Variants in USP12 observed in about 807,000 individuals in gnomAD.
USP12 encodes ubiquitin specific peptidase 12.
In USP12, 19 loss-of-function variants were observed where a neutral mutation model predicts 45.5. The observed-to-expected ratio is 0.42, with a 90% CI of 0.29 to 0.61. The LOEUF (loss-of-function observed/expected upper bound fraction) is 0.61, where lower values mean the gene tolerates loss of function less well. USP12 is among the 20% of genes least tolerant of loss of function. USP12 has a pLI of 0.22. For synonymous variants in USP12, 149 were observed against 148.8 expected (o/e 1.00, Z -0.01); for missense variants, 242 against 447.7 (o/e 0.54, Z 4.15).
chr13:27,121,335 A>C (rs368441432), intron 1 of USP12, among the ~76,000 whole-genome samples: 2 of 152,124 alleles, frequency 1.3e-5, no homozygotes, highest in East Asian at 3.9e-4. Flanking sequence ...TCAGTAGAGA[A>C]TTCAAAGAAA....
intron 1 of USP12, among the ~76,000 whole-genome samples, chr13:27,124,740 G>A (rs1266774713): frequency 6.6e-6 from 1 of 152,210 alleles, no homozygotes; most frequent in East Asian, 1.9e-4. Flanking sequence ...AAGTGAATGT[G>A]AGCTGTAAAA....
chr13:27,171,182 C>T (rs1284539458), intron 1 of USP12, among the ~76,000 whole-genome samples: 4 of 151,090 alleles, frequency 2.6e-5, no homozygotes, highest in Admixed American at 2.0e-4. Flanking sequence ...CGACCCCGGC[C>T]CGGGGCCGCG....
At chr13:27,102,844 G>A (rs1211495928) in intron 3 of USP12, among the ~76,000 whole-genome samples, 1 of 152,174 alleles carries the variant, frequency 6.6e-6, no homozygotes, top group Admixed American at 6.5e-5. Context: ...CCTAAACAGT[G>A]TCTGGCACAC....
At chr13:27,100,732 T>C (rs1352135594) in intron 3 of USP12, among the ~76,000 whole-genome samples, 4 of 152,170 alleles carry the variant, frequency 2.6e-5, no homozygotes, top group African/African-American at 4.8e-5. Flanking sequence ...AAGATAATTA[T>C]GCTAAAGTTG....
At chr13:27,078,318 T>C (rs992607069) in intron 6 of USP12, among the ~76,000 whole-genome samples, 5 of 152,132 alleles carry the variant, frequency 3.3e-5, no homozygotes, top group African/African-American at 7.2e-5. Context: ...CCAAAGTACA[T>C]AGGAGGATGT....
At chr13:27,144,647 G>T (rs1436160403) in intron 1 of USP12, among the ~76,000 whole-genome samples, 1 of 151,466 alleles carries the variant, frequency 6.6e-6, no homozygotes, top group African/African-American at 2.4e-5. Flanking sequence ...CTAAAGAGAT[G>T]TAACAATCAA....
intron 1 of USP12, among the ~76,000 whole-genome samples, chr13:27,146,046 A>G (rs1877293716): frequency 6.6e-6 from 1 of 152,186 alleles, no homozygotes; most frequent in South Asian, 2.1e-4. Flanking sequence ...ACACCTTTTT[A>G]CACATCACAT....
intron 1 of USP12, among the ~76,000 whole-genome samples, chr13:27,155,045 TTTTTTTTCTGATGTCCACAAC>T: frequency 6.7e-6 from 1 of 149,826 alleles, no homozygotes; most frequent in African/African-American, 2.4e-5. Flanking sequence ...CACAACTTTT[TTTTTTTTCTGATGTCCACAAC>T]TTTTTTTTTT....
chr13:27,137,507 A>AGAT (rs1876858515), intron 1 of USP12, among the ~76,000 whole-genome samples: 1 of 152,248 alleles, frequency 6.6e-6, no homozygotes, highest in African/African-American at 2.4e-5. Flanking sequence ...GTAAATAGAT[A>AGAT]GATGTATACT....
chr13:27,134,832 T>C (rs896039940), intron 1 of USP12, among the ~76,000 whole-genome samples: 8 of 152,092 alleles, frequency 5.3e-5, no homozygotes, highest in African/African-American at 1.9e-4. Flanking sequence ...GTCAATATTA[T>C]AGAAATGGAA....
chr13:27,080,227 T>C (rs1015757695), intron 6 of USP12, among the ~76,000 whole-genome samples: 5 of 152,118 alleles, frequency 3.3e-5, no homozygotes, highest in Admixed American at 6.5e-5. Context: ...AAGACTTGCA[T>C]GGGGGTGTGT....
intron 1 of USP12, among the ~76,000 whole-genome samples, chr13:27,157,067 G>T (rs1218509154): frequency 6.6e-6 from 1 of 152,132 alleles, no homozygotes; most frequent in Non-Finnish European, 1.5e-5. Context: ...CACAGTTTTT[G>T]TTTGGAAAAA....
chr13:27,112,682 A>G (rs1875512550), intron 2 of USP12, among the ~76,000 whole-genome samples: 1 of 152,224 alleles, frequency 6.6e-6, no homozygotes, highest in African/African-American at 2.4e-5. Context: ...CTGCCACAGC[A>G]GAAACAAATG....
At chr13:27,102,524 A>G (rs909650801) in intron 3 of USP12, among the ~76,000 whole-genome samples, 1 of 152,178 alleles carries the variant, frequency 6.6e-6, no homozygotes, top group African/African-American at 2.4e-5. Flanking sequence ...TCTTCATCTT[A>G]TTCCACTCTT....
At chr13:27,096,147 C>CG (rs1874572097) in intron 3 of USP12, among the ~76,000 whole-genome samples, 1 of 147,728 alleles carries the variant, frequency 6.8e-6, no homozygotes, top group African/African-American at 2.5e-5. Flanking sequence ...CTTATTATTT[C>CG]ACAAATATTT....
At chr13:27,144,435 C>T (rs1188323578) in intron 1 of USP12, among the ~76,000 whole-genome samples, 1 of 146,060 alleles carries the variant, frequency 6.8e-6, no homozygotes, top group Non-Finnish European at 1.5e-5. Context: ...GTCAAGACTG[C>T]AGTGAGCTAT....
chr13:27,124,954 G>T (rs1027398551), intron 1 of USP12, among the ~76,000 whole-genome samples: 39 of 152,138 alleles, frequency 2.6e-4, no homozygotes, highest in Non-Finnish European at 2.2e-4. Flanking sequence ...AAAGTAGTAG[G>T]CCTTGGGTTA....
intron 1 of USP12, among the ~76,000 whole-genome samples, chr13:27,149,194 AGATT>A (rs1356897113): frequency 1.3e-5 from 2 of 152,008 alleles, no homozygotes; most frequent in African/African-American, 4.8e-5. Context: ...ACAAAAGAAA[AGATT>A]GATTTACGGA....
At chr13:27,094,329 C>G (rs1383345692) in intron 4 of USP12, among the ~76,000 whole-genome samples, 1 of 151,962 alleles carries the variant, frequency 6.6e-6, no homozygotes, top group African/African-American at 2.4e-5. Context: ...CACAGCAAGA[C>G]TCTGTCTCAA....
Sources: gnomAD v4.1 joint callset for allele counts (sites outside exome capture counted in the v4.1 genomes callset) on GRCh38, gnomAD v4.1.1 for gene constraint, MANE v1.5 for transcripts, NCBI Gene and HGNC (gene_info 2026-07-23, HGNC 2026-07-21) for gene names.